The following GALNT13 variants were observed in gnomAD, a reference collection of about 807,000 sequenced individuals.
GALNT13 encodes the protein UDP-GalNAc:polypeptide N-acetylgalactosaminyltransferase 13.
GALNT13 carries 28 observed loss-of-function variants against 64.2 expected under a neutral mutation model. That is an observed-to-expected ratio of 0.44 (90% CI 0.32 to 0.60). The LOEUF (loss-of-function observed/expected upper bound fraction) is 0.60. GALNT13 is among the 20% of genes least tolerant of loss of function. The probability of loss-of-function intolerance (pLI) is 0.05; values close to 1 mark genes in which losing one functional copy is unlikely to be tolerated. For synonymous variants in GALNT13, 214 were observed against 224.6 expected, an observed-to-expected ratio of 0.95 and a Z score of 0.42; for missense variants, 577 against 669.8, an observed-to-expected ratio of 0.86 and a Z score of 1.53.
Position 154,267,152 on chromosome 2 carries a change from A to G in GALNT13, c.975+8014A>G, listed in dbSNP as rs557892217. ...ACAACTGAATGTCTATGTGGGGGGG[A>G]AAAACAACTCCAATCCATAACTTAT... On this transcript the variant is annotated intron_variant, in intron 8 of 12. Coordinates refer to ENST00000392825, the MANE Select transcript of GALNT13 (RefSeq NM_052917.4). 2.1e-3 allele frequency among the ~76,000 whole-genome samples: 321 copies of G among 150,600 alleles called. 1 individual carries two copies. Among genetic ancestry groups the G allele is most frequent in the African/African-American group, 6.5e-3 (269 of 41,382 alleles).
the GALNT13 span, among the ~76,000 whole-genome samples, chr2:153,560,671 T>G: frequency 6.6e-6 from 1 of 152,048 alleles, no homozygotes; most frequent in East Asian, 1.9e-4. Flanking sequence ...ATTCTACTTA[T>G]TTTTACTGCT....
chr2:153,877,340 T>C (rs1686448326), intron 1 of GALNT13, among the ~76,000 whole-genome samples: 1 of 152,170 alleles, frequency 6.6e-6, no homozygotes, highest in Non-Finnish European at 1.5e-5. Context: ...TTATTTAAGC[T>C]CTTATACAAC....
chr2:153,538,326 CTT>C, the GALNT13 span, among the ~76,000 whole-genome samples: 44,198 of 100,228 alleles, frequency 0.44, 8,397 homozygotes, highest in South Asian at 0.53. Flanking sequence ...TTTTTTAATT[CTT>C]TTTTTTTTTT....
At chr2:153,663,904 A>C in the GALNT13 span, among the ~76,000 whole-genome samples, 1 of 152,146 alleles carries the variant, frequency 6.6e-6, no homozygotes, top group Non-Finnish European at 1.5e-5. Context: ...TTAAAGCTCA[A>C]CTAAATCATG....
intron 11 of GALNT13, among the ~76,000 whole-genome samples, chr2:154,421,781 C>T (rs1159964390): frequency 1.3e-5 from 2 of 151,842 alleles, no homozygotes; most frequent in Non-Finnish European, 2.9e-5. Context: ...TATAATTATA[C>T]ATGCAAGAAA....
intron 9 of GALNT13, among the ~76,000 whole-genome samples, chr2:154,359,205 T>A (rs928293550): frequency 5.3e-5 from 8 of 152,090 alleles, no homozygotes; most frequent in Admixed American, 2.6e-4. Context: ...TAAATGAGGT[T>A]GAAACTAGAC....
chr2:153,438,585 A>G, the GALNT13 span, among the ~76,000 whole-genome samples: 18 of 152,112 alleles, frequency 1.2e-4, no homozygotes, highest in East Asian at 1.9e-4. Flanking sequence ...TTCTTCTTCC[A>G]TCGCTGATAT....
At chr2:154,287,152 A>G in intron 8 of GALNT13, 1 of 1,472,166 alleles carries the variant, frequency 6.8e-7, no homozygotes, top group Non-Finnish European at 9.4e-7. Context: ...AGTTCACAGA[A>G]GCGGTGGAAG....
At chr2:154,294,371 C>T (rs1559072907) in intron 8 of GALNT13, among the ~76,000 whole-genome samples, 3 of 152,160 alleles carry the variant, frequency 2.0e-5, no homozygotes, top group Admixed American at 1.3e-4. Flanking sequence ...TCTGAACTTT[C>T]GTATATCCTT....
At chr2:154,282,746 C>G (rs772453579) in intron 8 of GALNT13, among the ~76,000 whole-genome samples, 3 of 152,144 alleles carry the variant, frequency 2.0e-5, no homozygotes, top group South Asian at 2.1e-4. Context: ...AAAGAATCCT[C>G]AGGTGTGCTG....
intron 4 of GALNT13, among the ~76,000 whole-genome samples, chr2:154,176,434 A>T (rs953556244): frequency 6.6e-6 from 1 of 151,650 alleles, no homozygotes; most frequent in African/African-American, 2.4e-5. Flanking sequence ...TTGTATTTTT[A>T]GTAGAGACGG....
the GALNT13 span, among the ~76,000 whole-genome samples, chr2:153,849,557 A>G: frequency 1.3e-5 from 2 of 152,216 alleles, no homozygotes; most frequent in Non-Finnish European, 2.9e-5. Context: ...GAAACAAACA[A>G]GATAATTCCT....
chr2:153,118,019 G>A, the GALNT13 span, among the ~76,000 whole-genome samples: 1 of 151,178 alleles, frequency 6.6e-6, no homozygotes. Context: ...GTCATAGCAG[G>A]TTTTTGGTTT....
the GALNT13 span, among the ~76,000 whole-genome samples, chr2:153,506,993 T>G: frequency 2.0e-5 from 3 of 152,228 alleles, no homozygotes; most frequent in Admixed American, 2.0e-4. Context: ...TAGGTTTAGA[T>G]GCTTAGCATA....
At chr2:154,014,199 TC>T (rs1476747592) in intron 3 of GALNT13, among the ~76,000 whole-genome samples, 1 of 152,094 alleles carries the variant, frequency 6.6e-6, no homozygotes, top group Non-Finnish European at 1.5e-5. Context: ...CTGCAGCCAT[TC>T]CCCCGACAAA....
At chr2:154,158,532 C>T (rs1010908791) in intron 4 of GALNT13, among the ~76,000 whole-genome samples, 19 of 152,132 alleles carry the variant, frequency 1.2e-4, no homozygotes, top group Non-Finnish European at 1.6e-4. Context: ...TAGCACCCTT[C>T]CATCTCTGAT....
chr2:154,376,288 A>C (rs6435170), intron 9 of GALNT13, among the ~76,000 whole-genome samples: 91,957 of 151,902 alleles, frequency 0.61, 28,518 homozygotes, highest in Admixed American at 0.67. Context: ...TTTTGAGTTC[A>C]GCTACTTCTA....
the GALNT13 span, among the ~76,000 whole-genome samples, chr2:153,815,800 G>T: frequency 1.3e-5 from 2 of 152,014 alleles, no homozygotes; most frequent in Admixed American, 1.3e-4. Flanking sequence ...TCTATTGTTT[G>T]GTTTCAATAA....
At chr2:154,290,941 G>A (rs1559070985) in intron 8 of GALNT13, among the ~76,000 whole-genome samples, 1 of 152,026 alleles carries the variant, frequency 6.6e-6, no homozygotes, top group Non-Finnish European at 1.5e-5. Context: ...GTCCCTCCCG[G>A]TGGGTTCGTG....
Sources: allele counts gnomAD v4.1 joint callset (sites outside exome capture counted in the v4.1 genomes callset), GRCh38; gene constraint gnomAD v4.1.1; transcripts MANE v1.5; gene names NCBI Gene and HGNC (gene_info 2026-07-23, HGNC 2026-07-21).